The following SH2D3C variants were observed in gnomAD, a reference collection of about 807,000 sequenced individuals.
SH2D3C encodes the protein SH2 domain-containing protein 3C.
A neutral mutation model predicts 75.2 loss-of-function variants in SH2D3C; 25 were observed. That is an observed-to-expected ratio of 0.33 (90% CI 0.24 to 0.46). The LOEUF (loss-of-function observed/expected upper bound fraction) is 0.46. SH2D3C is among the 20% of genes least tolerant of loss of function. SH2D3C has a pLI of 1.00. For missense variants in SH2D3C, 933 were observed against 1,165.3 expected (o/e 0.80, Z 2.90); for synonymous variants, 450 against 473.7 (o/e 0.95, Z 0.65).
At position 127,739,849 on chromosome 9, in the gene SH2D3C, A is replaced by C; in HGVS notation, c.2240T>G (p.Leu747Arg). Reference protein sequence around the residue: ...PLSNTTFPHVLPLITLLECDS... With the variant: ...PLSNTTFPHVRPLITLLECDS... ...ACACTCCAGCAGGGTGATGAGGGGCAGCACATGAGGAAACGTGGTGTTGCT... is the reference window on the plus strand; with the variant it reads ...ACACTCCAGCAGGGTGATGAGGGGCCGCACATGAGGAAACGTGGTGTTGCT... Residue 747 changes from leucine to arginine, a missense_variant, in exon 11 of 12, where the codon CTG (leucine) becomes CGG (arginine). Leu to Arg is a moderately radical substitution (Grantham distance 102, BLOSUM62 -2). Transcript: ENST00000314830. The surrounding 1 kb of genome is among the most constrained non-coding windows in gnomAD (Gnocchi z 4.3). 3 of 1,568,100 alleles carry C rather than the reference A, an allele frequency of 1.9e-6. No homozygotes were observed. Among genetic ancestry groups the C allele is most frequent in the Non-Finnish European group, 2.6e-6 (3 of 1,154,526 alleles).
At chr9:127,764,850 G>A (rs1041441712) in intron 2 of SH2D3C, among the ~76,000 whole-genome samples, 25 of 152,270 alleles carry the variant, frequency 1.6e-4, no homozygotes, top group Admixed American at 4.6e-4. Context: ...TGGGATTACA[G>A]GTGACCACCA....
rs1845132504 is a variant in SH2D3C at position 127,749,477 on chromosome 9, G to A, written c.873C>T (p.Asp291=). ...GATAGCGCACGAGGGCGGGCACGTG[G>A]TCAAAGCTCTCCTGCTCAAACAGGT... ...IQYLFEQESF[D]HVPALVRYHV... Residue 291 remains aspartate, a synonymous_variant, in exon 5 of 12, where the codon GAC becomes GAT. Coordinates refer to ENST00000314830, the MANE Select transcript of SH2D3C (RefSeq NM_170600.3). This position sits in a 1 kb window ranked among gnomAD's most constrained non-coding sequence, Gnocchi z 5.9. The A allele has an allele frequency of 6.2e-7, 1 of 1,614,214 alleles. No individual in the cohort carries two copies. Among genetic ancestry groups the A allele is most frequent in the Non-Finnish European group, 8.5e-7 (1 of 1,180,042 alleles).
chr9:127,747,005 G>C, intron 6 of SH2D3C, 142 bp downstream of exon 6: 1 of 740,006 alleles, frequency 1.4e-6, no homozygotes, highest in Non-Finnish European at 2.3e-6. Flanking sequence ...AGTTCTGTTA[G>C]CAGGATTCCA....
At chr9:127,776,390 T>C (rs1845810228) in intron 1 of SH2D3C, among the ~76,000 whole-genome samples, 1 of 151,476 alleles carries the variant, frequency 6.6e-6, no homozygotes, top group African/African-American at 2.4e-5. Flanking sequence ...AGGAGGGGGT[T>C]GTTGTGAGCC....
At chr9:127,762,785 C>G (rs945039290) in intron 2 of SH2D3C, among the ~76,000 whole-genome samples, 1 of 152,272 alleles carries the variant, frequency 6.6e-6, no homozygotes, top group East Asian at 1.9e-4. Flanking sequence ...GCAAACGAAC[C>G]ATCCTCAGCC....
chr9:127,775,518 T>A (rs1340207844), intron 1 of SH2D3C, among the ~76,000 whole-genome samples: 1 of 151,998 alleles, frequency 6.6e-6, no homozygotes, highest in East Asian at 1.9e-4. Context: ...TCCCAGCTAC[T>A]TGGGAGGCTG....
At chr9:127,743,497 C>A (rs963842755) in intron 7 of SH2D3C, among the ~76,000 whole-genome samples, 34 of 152,014 alleles carry the variant, frequency 2.2e-4, no homozygotes, top group African/African-American at 8.0e-4. Flanking sequence ...AGTGAGACTC[C>A]ATCTCAAAAA....
chr9:127,744,747 G>T lies in SH2D3C; in HGVS notation c.1617C>A (p.Gly539=). 1 of 1,614,238 alleles carries T rather than the reference G, an allele frequency of 6.2e-7. No individual in the cohort carries two copies. Among genetic ancestry groups the T allele is most frequent in the Non-Finnish European group, 8.5e-7 (1 of 1,180,042 alleles). The change falls in exon 7 of 12, where the codon GGC becomes GGA. Residue 539 remains glycine (G), a synonymous_variant. Transcript: ENST00000314830. The part of the protein sequence containing the change: ...SENGAPEGDW[G]KTFTVPIVEV... ...CCACGATGGGGACTGTGAAGGTCTT[G>T]CCCCAGTCCCCTTCAGGGGCCCCAT...
At chr9:127,764,501 GC>G (rs1295315727) in intron 2 of SH2D3C, among the ~76,000 whole-genome samples, 3 of 151,952 alleles carry the variant, frequency 2.0e-5, no homozygotes, top group African/African-American at 4.8e-5. Context: ...CACTTGCGTG[GC>G]CCCCCAGCTT....
chr9:127,757,660 T>C lies in SH2D3C; in HGVS notation c.555+3951A>G, dbSNP rs147245857. ...TGATGATGATGATTATTATTATTAT[T>C]ATTATTATTTTGAGATGGAGTCTCG... is the stretch of plus-strand genomic sequence containing the variant. On this transcript the variant is annotated intron_variant, in intron 3 of 11. Coordinates refer to ENST00000314830, the MANE Select transcript of SH2D3C (RefSeq NM_170600.3). Among the ~76,000 whole-genome samples the C allele has an allele frequency of 2.8e-3, 413 of 146,988 alleles. 4 individuals carry two copies. Among genetic ancestry groups the C allele is most frequent in the African/African-American group, 0.01 (396 of 39,508 alleles).
intron 6 of SH2D3C, among the ~76,000 whole-genome samples, chr9:127,745,633 G>A (rs1050019162): frequency 1.3e-5 from 2 of 151,166 alleles, no homozygotes; most frequent in African/African-American, 4.9e-5. Flanking sequence ...CACAACGCCT[G>A]GCTAACTTTT....
In SH2D3C at chr9:127,771,357, G is replaced by GCC; in HGVS notation, c.515+2631_515+2632dup. 9.6e-6 allele frequency: 13 copies of GCC among 1,354,512 alleles called. No homozygotes were observed. In the South Asian group the frequency reaches 1.8e-4, roughly 18 times the overall value. The allele number at this position is 1,354,512 out of a possible 1,614,324, so 83.9% of individuals were successfully genotyped here. On this transcript the variant is annotated intron_variant, in intron 2 of 11. Transcript: ENST00000314830. ...GGGCGGAGACTGACCTGTAGACCAC[G>GCC]CCCCCAGACACGCCCCTGCGCTCCT...
At position 127,749,486 on chromosome 9, in the gene SH2D3C, C is replaced by T. The variant is rs148290871; in HGVS notation, c.864G>A (p.Glu288=). Residue 288 remains glutamate, a synonymous_variant, in exon 5 of 12, where the codon GAG becomes GAA. Coordinates refer to ENST00000314830, the MANE Select transcript of SH2D3C (RefSeq NM_170600.3). This position sits in a 1 kb window ranked among gnomAD's most constrained non-coding sequence, Gnocchi z 5.9. ...YTHIQYLFEQ[E]SFDHVPALVR... is the part of the protein sequence containing the mutation. ...CGAGGGCGGGCACGTGGTCAAAGCT[C>T]TCCTGCTCAAACAGGTACTGGATGT... 6.2e-7 allele frequency: 1 copy of T among 1,614,096 alleles called. No homozygotes were observed. The highest frequency in any genetic ancestry group is 1.3e-5 in the African/African-American group (1 of 74,948).
Position 127,749,069 on chromosome 9 carries a change from C to T in SH2D3C, c.1139+142G>A. 1.4e-6 allele frequency: 1 copy of T among 697,714 alleles called. No homozygotes were observed. The highest frequency in any genetic ancestry group is 2.4e-6 in the Non-Finnish European group (1 of 421,012). The allele number at this position is 697,714 out of a possible 1,614,324, so 43.2% of individuals were successfully genotyped here. ...TGTTCTGTACATCCACAGAGTATGG[C>T]CCAACCTTCCTCCCATTCCTCCCTG... is the stretch of plus-strand genomic sequence containing the variant. On this transcript the variant is annotated intron_variant, in intron 5 of 11. Transcript: ENST00000314830. This position sits in a 1 kb window ranked among gnomAD's most constrained non-coding sequence, Gnocchi z 5.9.
chr9:127,742,813 T>C (rs1588491508), intron 8 of SH2D3C, 36 bp downstream of exon 8: 1 of 1,524,778 alleles, frequency 6.6e-7, no homozygotes, highest in East Asian at 2.3e-5. Context: ...TAGCCGGGGG[T>C]TCCCCGCGAG....
intron 3 of SH2D3C, among the ~76,000 whole-genome samples, chr9:127,756,038 C>T (rs1845370578): frequency 6.6e-6 from 1 of 152,216 alleles, no homozygotes; most frequent in Admixed American, 6.5e-5. Flanking sequence ...TGGTGGCTCA[C>T]GCCTGTAATC....
chr9:127,750,820 A>G (rs1467615814), intron 4 of SH2D3C, among the ~76,000 whole-genome samples: 1 of 152,260 alleles, frequency 6.6e-6, no homozygotes, highest in Non-Finnish European at 1.5e-5. Flanking sequence ...GTACTCACTA[A>G]GCAAACATAC....
At chr9:127,771,253 C>T (rs1171927433) in intron 2 of SH2D3C, 2 of 1,542,384 alleles carry the variant, frequency 1.3e-6, no homozygotes, top group Non-Finnish European at 1.7e-6. Flanking sequence ...TCGCCGCCGG[C>T]AACCCGGGGA....
intron 5 of SH2D3C, among the ~76,000 whole-genome samples, chr9:127,748,407 C>T (rs762125372): frequency 2.6e-5 from 4 of 152,222 alleles, no homozygotes; most frequent in Non-Finnish European, 4.4e-5. Context: ...GCCTCAAGGG[C>T]CTATCCAAGT....
Sources: gnomAD v4.1 joint callset for allele counts (sites outside exome capture counted in the v4.1 genomes callset) on GRCh38, gnomAD v4.1.1 for gene constraint, Gnocchi (gnomAD v3.1) non-coding constraint, MANE v1.5 for transcripts, NCBI Gene and HGNC (gene_info 2026-07-23, HGNC 2026-07-21) for gene names.